TCFL5: variants seen among roughly 807,000 people sequenced by gnomAD.
The protein encoded by TCFL5 is transcription factor like 5.
A neutral mutation model predicts 44.3 loss-of-function variants in TCFL5; 9 were observed. The observed-to-expected ratio is 0.20, with a 90% CI of 0.12 to 0.35. The LOEUF is 0.35. Ranked by LOEUF, TCFL5 falls within the 10% of genes least tolerant of loss-of-function variation. The probability of loss-of-function intolerance (pLI) is 1.00; values close to 1 mark genes in which losing one functional copy is unlikely to be tolerated. For synonymous variants in TCFL5, 319 were observed against 271.6 expected, an observed-to-expected ratio of 1.17 and a Z score of -1.72; for missense variants, 603 against 613.4, an observed-to-expected ratio of 0.98 and a Z score of 0.18.
chr20:62,860,345 T>A, intron 1 of TCFL5, 37 bp from the exon 2 acceptor site: 1 of 1,570,258 alleles, frequency 6.4e-7, no homozygotes, highest in South Asian at 1.1e-5. Flanking sequence ...GTGTCAGCAA[T>A]ACGTGGCAGA....
intron 4 of TCFL5, among the ~76,000 whole-genome samples, chr20:62,855,610 T>C (rs1050303417): frequency 6.6e-6 from 1 of 151,954 alleles, no homozygotes; most frequent in Non-Finnish European, 1.5e-5. Flanking sequence ...GTACTAAAAA[T>C]ACAAAATTAG....
chr20:62,846,990 G>A (rs367926234), intron 5 of TCFL5, among the ~76,000 whole-genome samples: 21 of 152,026 alleles, frequency 1.4e-4, no homozygotes, highest in African/African-American at 5.1e-4. Context: ...TTCACGACCA[G>A]CCTCACCAAC....
At chr20:62,852,371 T>TGGAACTCGGGGCCCCC (rs1555829502) in intron 5 of TCFL5, 1 of 977,074 alleles carries the variant, frequency 1.0e-6, no homozygotes, top group African/African-American at 1.8e-5. Flanking sequence ...TCGGGTCCCC[T>TGGAACTCGGGGCCCCC]GAAGGCAGGG....
chr20:62,842,394 C>T lies in TCFL5; in HGVS notation c.1381-297G>A, dbSNP rs948018533. ...TGTGGTAAAATATACATGACATGAA[C>T]GTTTCAACCGCTAATGGGCCCTAGC... On this transcript the variant is annotated intron_variant, in intron 5 of 5. Transcript: ENST00000335351. The surrounding 1 kb of genome is among the most constrained non-coding windows in gnomAD (Gnocchi z 4.3). 2.0e-5 allele frequency among the ~76,000 whole-genome samples: 3 copies of T among 152,042 alleles called. No homozygotes were observed. The highest frequency in any genetic ancestry group is 7.2e-5 in the African/African-American group (3 of 41,384).
chr20:62,854,033 C>T lies in TCFL5; in HGVS notation c.1363G>A (p.Gly455Arg). The change falls in exon 5 of 6, where the codon GGA (glycine) becomes AGA (arginine). Residue 455 changes from glycine (G) to arginine (R), a missense_variant. Physicochemically the swap from Gly to Arg is moderately radical, Grantham distance 125. Transcript: ENST00000335351. ...AFLKYIQERHGDSLKKEFESV... is the reference protein window; with the variant it reads ...AFLKYIQERHRDSLKKEFESV... Reference sequence around the variant, plus strand: ...CCACTAACCTTTTTAAGAGAATCTCCATGTCTTTCCTGGATGTATTTCAGG... The same window carrying T: ...CCACTAACCTTTTTAAGAGAATCTCTATGTCTTTCCTGGATGTATTTCAGG... 6.2e-7 allele frequency: 1 copy of T among 1,613,974 alleles called. No individual in the cohort carries two copies. Among genetic ancestry groups the T allele is most frequent in the Non-Finnish European group, 8.5e-7 (1 of 1,180,006 alleles).
At chr20:62,843,778 ACCAGT>A (rs2063705646) in intron 5 of TCFL5, among the ~76,000 whole-genome samples, 1 of 152,198 alleles carries the variant, frequency 6.6e-6, no homozygotes, top group Admixed American at 6.5e-5. Context: ...CCTGGCACGT[ACCAGT>A]CCACTTTCTG....
chr20:62,859,813 C>CA (rs1282496114), intron 2 of TCFL5, among the ~76,000 whole-genome samples: 1 of 151,926 alleles, frequency 6.6e-6, no homozygotes, highest in Non-Finnish European at 1.5e-5. Context: ...CTCCACCTCC[C>CA]AGGCTCAAGC....
At chr20:62,852,871 G>T (rs762429890) in intron 5 of TCFL5, 151 of 1,289,424 alleles carry the variant, frequency 1.2e-4, no homozygotes, top group Non-Finnish European at 1.5e-4. Flanking sequence ...CCAGTCCATG[G>T]AAGTATAGTC....
intron 5 of TCFL5, among the ~76,000 whole-genome samples, chr20:62,853,729 C>T (rs962478282): frequency 2.0e-5 from 3 of 152,226 alleles, no homozygotes; most frequent in Non-Finnish European, 4.4e-5. Context: ...ACACACCCGT[C>T]AGCCCCAGTG....
chr20:62,845,002 T>TG, intron 5 of TCFL5: 4 of 985,772 alleles, frequency 4.1e-6, no homozygotes, highest in Non-Finnish European at 4.8e-6. Flanking sequence ...CCACCTGGAG[T>TG]GACTGGAACA....
chr20:62,861,593 G>A lies in TCFL5; in HGVS notation c.78C>T (p.Gly26=), dbSNP rs771509591. The change falls in exon 1 of 6, where the codon GGC becomes GGT. Residue 26 remains glycine, a synonymous_variant. Coordinates refer to ENST00000335351, the MANE Select transcript of TCFL5 (RefSeq NM_006602.4). The surrounding 1 kb of genome is among the most constrained non-coding windows in gnomAD (Gnocchi z 4.0). Reference sequence around the variant, plus strand: ...GCTCGCCCAGCGCCGCGTCCCCGCCGCCCGCGCCCTCGACGGCCGCCTCGC... The same window carrying A: ...GCTCGCCCAGCGCCGCGTCCCCGCCACCCGCGCCCTCGACGGCCGCCTCGC... ...AGGEAAVEGA[G]GGDAALGEPG... 29 of 1,053,240 alleles carry A rather than the reference G, an allele frequency of 2.8e-5. No individual in the cohort carries two copies. Among genetic ancestry groups the A allele is most frequent in the Non-Finnish European group, 3.1e-5 (27 of 873,198 alleles). The allele number at this position is 1,053,240 out of a possible 1,614,324, so 65.2% of individuals were successfully genotyped here.
chr20:62,857,534 C>T lies in TCFL5; in HGVS notation c.1099G>A (p.Glu367Lys), dbSNP rs1399065228. Residue 367 changes from glutamate to lysine, a missense_variant, in exon 4 of 6, where the codon GAA becomes AAA. Glu to Lys is a moderately conservative substitution (Grantham distance 56). This residue lies in a region of TCFL5 where 540 missense variants were observed against 478.7 expected (regional missense o/e 1.13). Transcript: ENST00000335351. ...GCGCCTTGTGTGGCGGTGGCACCTT[C>T]GCCCACATTCTGAATCTCTCCAAGG... ...RALGEIQNVGEGATATQGAWQ... is the reference protein window; with the variant it reads ...RALGEIQNVGKGATATQGAWQ... The T allele has an allele frequency of 6.2e-7, 1 of 1,614,252 alleles. No homozygotes were observed. The highest frequency in any genetic ancestry group is 1.7e-5 in the Admixed American group (1 of 60,024).
chr20:62,848,003 G>C (rs1440063092), intron 5 of TCFL5, among the ~76,000 whole-genome samples: 2 of 152,232 alleles, frequency 1.3e-5, no homozygotes, highest in African/African-American at 4.8e-5. Flanking sequence ...GCAGAGAAAT[G>C]GGCGGTTGCC....
chr20:62,843,081 A>G (rs900087366), intron 5 of TCFL5, among the ~76,000 whole-genome samples: 2 of 152,266 alleles, frequency 1.3e-5, no homozygotes, highest in African/African-American at 4.8e-5. Flanking sequence ...ACAGGCGCCA[A>G]CCACCACGGG....
chr20:62,861,719 C>CGGGA lies in TCFL5; in HGVS notation c.-50_-49insTCCC, dbSNP rs2064017481. Reference sequence around the variant, plus strand: ...CGGCGAGGGCGACGCGGGCGGCGGGCGGCGGGAGGCGGGAGGCGGGAGGCG... The same window carrying CGGGA: ...CGGCGAGGGCGACGCGGGCGGCGGGCGGGAGGCGGGAGGCGGGAGGCGGGAGGCG... On this transcript the variant is annotated 5_prime_UTR_variant, in exon 1 of 6. Coordinates refer to ENST00000335351, the MANE Select transcript of TCFL5 (RefSeq NM_006602.4). This position sits in a 1 kb window ranked among gnomAD's most constrained non-coding sequence, Gnocchi z 4.0. 4.4e-5 allele frequency: 6 copies of CGGGA among 135,366 alleles called. No homozygotes were observed. The highest frequency in any genetic ancestry group is 1.5e-4 in the African/African-American group (5 of 33,614). The allele number at this position is 135,366 out of a possible 1,614,324, so 8.4% of individuals were successfully genotyped here.
chr20:62,856,471 G>A (rs965777247), intron 4 of TCFL5, among the ~76,000 whole-genome samples: 3 of 151,814 alleles, frequency 2.0e-5, no homozygotes, highest in Admixed American at 6.6e-5. Context: ...TTGGGAGGCC[G>A]AGGCGGGCAG....
At chr20:62,845,048 A>C (rs1366190784) in intron 5 of TCFL5, 1 of 985,994 alleles carries the variant, frequency 1.0e-6, no homozygotes, top group Non-Finnish European at 1.2e-6. Context: ...TTTCCAACCA[A>C]GCAAGCTGCC....
chr20:62,855,818 C>T lies in TCFL5; in HGVS notation c.1238+1577G>A, dbSNP rs1040319630. On this transcript the variant is annotated intron_variant, in intron 4 of 5. Coordinates refer to ENST00000335351, the MANE Select transcript of TCFL5 (RefSeq NM_006602.4). ...TAAATTGCCTTAGCTCAACATTCAA[C>T]CTTGGAGCTTCAAACCTGAGTATTT... is the stretch of plus-strand genomic sequence containing the variant. 4.6e-5 allele frequency among the ~76,000 whole-genome samples: 7 copies of T among 152,178 alleles called. No individual in the cohort carries two copies. In the South Asian group the frequency reaches 8.3e-4, roughly 18 times the overall value.
rs1240832388 is a variant in TCFL5 at position 62,844,580 on chromosome 20, TTG to T, written c.1381-2485_1381-2484del. Among the ~76,000 whole-genome samples the T allele has an allele frequency of 6.6e-3, 830 of 125,270 alleles. 6 individuals are homozygous for T. The highest frequency in any genetic ancestry group is 0.03 in the African/African-American group (760 of 25,608). 82.2% of individuals were successfully genotyped at this position (125,270 alleles called of 152,430 possible). A position where few individuals can be genotyped will look rare whatever the true frequency, so the allele number is the denominator to read the frequency against. On this transcript the variant is annotated intron_variant, in intron 5 of 5. Transcript: ENST00000335351. Reference sequence around the variant, plus strand: ...TTTTCTGTTTTTTTTTGTTTGTTTTTTGTTTTTTTTTTTTTGAGACCGAGTCT... The same window carrying T: ...TTTTCTGTTTTTTTTTGTTTGTTTTTTTTTTTTTTTTTTGAGACCGAGTCT...
Sources: allele counts gnomAD v4.1 joint callset (sites outside exome capture counted in the v4.1 genomes callset), GRCh38; gene constraint gnomAD v4.1.1; regional missense constraint gnomAD v4.1.1; non-coding constraint Gnocchi (gnomAD v3.1); transcripts MANE v1.5; gene names NCBI Gene and HGNC (gene_info 2026-07-23, HGNC 2026-07-21).